WDR72: variants seen among roughly 807,000 people sequenced by gnomAD.
WDR72 encodes WD repeat domain 72.
In WDR72, 120 loss-of-function variants were observed where a neutral mutation model predicts 124.2. That is an observed-to-expected ratio of 0.97 (90% CI 0.83 to 1.12). The LOEUF (loss-of-function observed/expected upper bound fraction) is 1.12, where lower values mean the gene tolerates loss of function less well. WDR72 is among the 50% of genes most tolerant of loss of function. WDR72 has a pLI of 0.00. For synonymous variants in WDR72, 452 were observed against 441.7 expected (o/e 1.02, Z -0.29); for missense variants, 1,387 against 1,278.8 (o/e 1.08, Z -1.29).
At chr15:53,748,681 G>C (rs575939777) in intron 1 of WDR72, among the ~76,000 whole-genome samples, 1 of 152,066 alleles carries the variant, frequency 6.6e-6, no homozygotes. Flanking sequence ...TCATACATGA[G>C]CTTCCTCATT....
At chr15:53,661,797 G>A (rs911118209) in intron 14 of WDR72, among the ~76,000 whole-genome samples, 3 of 152,060 alleles carry the variant, frequency 2.0e-5, no homozygotes, top group Non-Finnish European at 1.5e-5. Context: ...CAAATACTCA[G>A]TAGCTACAAA....
rs2012823819 is a variant in WDR72, at chr15:53,597,274, C to T, written c.2953G>A (p.Val985Ile). The change falls in exon 18 of 20, where the codon GTA becomes ATA. Residue 985 changes from valine (V) to isoleucine (I), a missense_variant and splice_region_variant. Transcript: ENST00000360509. ...ISCWRDQSVQ[V>I]TEAIQAVLLA... ...AGAACAGCTTGTATTGCTTCAGTTA[C>T]CTGTAAGGTATTTTTTTAAGTGAAT... is the stretch of plus-strand genomic sequence containing the variant. 2 of 1,613,170 alleles carry T rather than the reference C, an allele frequency of 1.2e-6. No homozygotes were observed. Among genetic ancestry groups the T allele is most frequent in the African/African-American group, 2.7e-5 (2 of 74,856 alleles).
chr15:53,752,866 G>A (rs968587924), intron 1 of WDR72, among the ~76,000 whole-genome samples: 8 of 151,334 alleles, frequency 5.3e-5, no homozygotes, highest in South Asian at 4.2e-4. Flanking sequence ...CTACATTATC[G>A]GCTCCTTGAG....
chr15:53,715,700 T>A (rs2017684712), intron 4 of WDR72, among the ~76,000 whole-genome samples: 1 of 152,170 alleles, frequency 6.6e-6, no homozygotes, highest in South Asian at 2.1e-4. Context: ...TTCATGCCTA[T>A]AATCCCAGTG....
At chr15:53,532,326 AG>A (rs1323350401) in intron 18 of WDR72, among the ~76,000 whole-genome samples, 1 of 152,160 alleles carries the variant, frequency 6.6e-6, no homozygotes, top group Non-Finnish European at 1.5e-5. Context: ...AGTATGTCAA[AG>A]GGATATCTGT....
intron 18 of WDR72, among the ~76,000 whole-genome samples, chr15:53,531,917 T>G (rs1892495178): frequency 6.6e-6 from 1 of 152,100 alleles, no homozygotes; most frequent in Admixed American, 6.6e-5. Context: ...GTTCTTGAGT[T>G]GTGAAATGTT....
At chr15:53,629,207 A>T (rs985807649) in intron 14 of WDR72, among the ~76,000 whole-genome samples, 13 of 134,092 alleles carry the variant, frequency 9.7e-5, no homozygotes, top group African/African-American at 5.3e-4. Context: ...AGAGAGAGAG[A>T]GAGAGTGAGA....
chr15:53,577,976 T>C lies in WDR72; in HGVS notation c.3148+19103A>G, dbSNP rs114889498. 5.5e-3 allele frequency among the ~76,000 whole-genome samples: 839 copies of C among 152,320 alleles called. 7 individuals are homozygous for C. Among genetic ancestry groups the C allele is most frequent in the African/African-American group, 0.019 (795 of 41,566 alleles). On this transcript the variant is annotated intron_variant, in intron 18 of 19. Coordinates refer to ENST00000360509, the MANE Select transcript of WDR72 (RefSeq NM_182758.4). Reference sequence around the variant, plus strand: ...AATGAAGAGAATTCTATCCATATCATAGATTTCAGTGGGTATCTGCTTTCA... The same window carrying C: ...AATGAAGAGAATTCTATCCATATCACAGATTTCAGTGGGTATCTGCTTTCA...
intron 13 of WDR72, among the ~76,000 whole-genome samples, chr15:53,669,809 T>C (rs948386380): frequency 2.0e-5 from 3 of 152,226 alleles, no homozygotes; most frequent in Non-Finnish European, 4.4e-5. Flanking sequence ...AGATACAGAA[T>C]AGCTACTGTT....
At chr15:53,614,936 C>T (rs1030214663) in intron 15 of WDR72, among the ~76,000 whole-genome samples, 12 of 151,774 alleles carry the variant, frequency 7.9e-5, no homozygotes, top group Admixed American at 7.9e-4. Flanking sequence ...TTTAATATGC[C>T]AAAATATAAA....
At chr15:53,689,931 T>C (rs536299820) in intron 13 of WDR72, among the ~76,000 whole-genome samples, 3,573 of 150,762 alleles carry the variant, frequency 0.024, 145 homozygotes, top group African/African-American at 0.078. Context: ...ATGGATGAAA[T>C]TGGAAATCAT....
chr15:53,644,775 A>G (rs1305382302), intron 14 of WDR72, among the ~76,000 whole-genome samples: 1 of 152,062 alleles, frequency 6.6e-6, no homozygotes, highest in Middle Eastern at 3.2e-3. Context: ...CATGATTGGC[A>G]GGGCAAATAG....
Position 53,705,231 on chromosome 15 carries a change from T to C in WDR72, c.1105A>G (p.Ile369Val). 6.2e-7 allele frequency: 1 copy of C among 1,612,856 alleles called. No homozygotes were observed. The highest frequency in any genetic ancestry group is 8.5e-7 in the Non-Finnish European group (1 of 1,179,984). Residue 369 changes from isoleucine to valine, a missense_variant and splice_region_variant, in exon 11 of 20, where the codon ATA (isoleucine) becomes GTA (valine). Transcript: ENST00000360509. Reference sequence around the variant, plus strand: ...AGAGTCCAGGTGGCAGTTACTGGTATCTCTAAAAAGAAAACAGACATAAAA... The same window carrying C: ...AGAGTCCAGGTGGCAGTTACTGGTACCTCTAAAAAGAAAACAGACATAAAA... ...VSKFDGSPRE[I>V]PVTATWTLQD...
At position 53,673,083 on chromosome 15, in the gene WDR72, C is replaced by T. The variant is rs567778836; in HGVS notation, c.1766-7315G>A. Among the ~76,000 whole-genome samples, 10 of 151,952 alleles carry T rather than the reference C, an allele frequency of 6.6e-5. No individual in the cohort carries two copies. In the East Asian group the frequency reaches 1.4e-3, roughly 21 times the overall value. ...CTGTAGTGAGACATGATCATGCCAC[C>T]GCACTCCAGCCAGCCTGGGTGACAG... On this transcript the variant is annotated intron_variant, in intron 13 of 19. Coordinates refer to ENST00000360509, the MANE Select transcript of WDR72 (RefSeq NM_182758.4).
intron 18 of WDR72, among the ~76,000 whole-genome samples, chr15:53,568,610 T>G (rs1894386440): frequency 6.6e-6 from 1 of 152,044 alleles, no homozygotes; most frequent in Non-Finnish European, 1.5e-5. Flanking sequence ...TATTGATGTC[T>G]TCCATGCTAA....
chr15:53,518,429 G>T (rs982831867), intron 19 of WDR72, among the ~76,000 whole-genome samples: 6 of 152,036 alleles, frequency 3.9e-5, no homozygotes, highest in Admixed American at 1.3e-4. Context: ...CTGTGTGTGT[G>T]TGTGTATTAA....
chr15:53,635,089 C>A (rs903469323), intron 14 of WDR72, among the ~76,000 whole-genome samples: 1 of 152,172 alleles, frequency 6.6e-6, no homozygotes, highest in African/African-American at 2.4e-5. Context: ...CAGAGGGTGA[C>A]GATCTTTCAG....
chr15:53,535,187 T>C (rs1229346231), intron 18 of WDR72, among the ~76,000 whole-genome samples: 3 of 152,180 alleles, frequency 2.0e-5, no homozygotes, highest in Admixed American at 1.3e-4. Context: ...CATTTACACA[T>C]AGAATTTAAT....
intron 1 of WDR72, among the ~76,000 whole-genome samples, chr15:53,738,173 G>C (rs931636115): frequency 2.0e-5 from 3 of 151,996 alleles, no homozygotes; most frequent in African/African-American, 7.3e-5. Context: ...GCCAAATGTA[G>C]GTTTTGTATT....
Sources: allele counts gnomAD v4.1 joint callset (sites outside exome capture counted in the v4.1 genomes callset), GRCh38; gene constraint gnomAD v4.1.1; transcripts MANE v1.5; gene names NCBI Gene and HGNC (gene_info 2026-07-23, HGNC 2026-07-21).